The following NAV3 variants were observed in gnomAD, a reference collection of about 807,000 sequenced individuals.
The protein encoded by NAV3 is pore membrane and/or filament interacting like protein 1.
NAV3 carries 87 observed loss-of-function variants against 244.7 expected under a neutral mutation model. That is an observed-to-expected ratio of 0.36 (90% CI 0.30 to 0.42). The LOEUF is 0.42. Among genes scored for constraint, NAV3 ranks in the 20% least tolerant of loss-of-function variants. NAV3 has a pLI of 1.00. For missense variants in NAV3, 2,663 were observed against 2,893.3 expected (o/e 0.92, Z 1.83); for synonymous variants, 1,126 against 1,042.2 (o/e 1.08, Z -1.55).
At chr12:77,921,188 T>C (rs561750382) in intron 1 of NAV3, among the ~76,000 whole-genome samples, 1 of 152,068 alleles carries the variant, frequency 6.6e-6, no homozygotes, top group Admixed American at 6.6e-5. Context: ...TTGGTCATCA[T>C]AAATCTAGTG....
chr12:77,734,620 T>G (rs934576475), intron 2 of NAV3, among the ~76,000 whole-genome samples: 6 of 152,164 alleles, frequency 3.9e-5, no homozygotes, highest in African/African-American at 1.4e-4. Flanking sequence ...AAAATCTGCA[T>G]GCAATAAATT....
chr12:78,202,637 C>T (rs1161470403), intron 38 of NAV3, among the ~76,000 whole-genome samples: 2 of 151,950 alleles, frequency 1.3e-5, no homozygotes, highest in East Asian at 3.9e-4. Context: ...ATAAAAATGT[C>T]TCATTTCTTG....
chr12:78,155,518 T>G (rs1210216011), intron 22 of NAV3, among the ~76,000 whole-genome samples: 2 of 152,120 alleles, frequency 1.3e-5, no homozygotes, highest in African/African-American at 4.8e-5. Context: ...TTATTTATAT[T>G]CCTTTGGGTA....
At chr12:78,177,933 T>C (rs577306348) in intron 28 of NAV3, among the ~76,000 whole-genome samples, 1 of 151,796 alleles carries the variant, frequency 6.6e-6, no homozygotes, top group South Asian at 2.1e-4. Flanking sequence ...CCCCCCGTTA[T>C]CCACCAGGGG....
chr12:78,068,124 A>T (rs896534693), intron 12 of NAV3, among the ~76,000 whole-genome samples: 2 of 151,956 alleles, frequency 1.3e-5, no homozygotes, highest in Non-Finnish European at 2.9e-5. Context: ...AACATACCAT[A>T]TTACTTAAAT....
chr12:78,081,624 G>A (rs771823265), intron 12 of NAV3, among the ~76,000 whole-genome samples: 3 of 152,116 alleles, frequency 2.0e-5, no homozygotes, highest in Non-Finnish European at 2.9e-5. Flanking sequence ...CATGTAAATA[G>A]GCAGGGGCAA....
At chr12:78,022,586 C>T (rs1877342511) in intron 9 of NAV3, among the ~76,000 whole-genome samples, 1 of 151,920 alleles carries the variant, frequency 6.6e-6, no homozygotes, top group African/African-American at 2.4e-5. Context: ...GTCTGTTGTT[C>T]CAGGAAATCT....
rs532543314 is a variant in NAV3 at position 77,810,331 on chromosome 12, C to T, written c.73-129988C>T. Among the ~76,000 whole-genome samples, 124 of 152,188 alleles carry T rather than the reference C, an allele frequency of 8.1e-4. 1 individual carries two copies. Among genetic ancestry groups the T allele is most frequent in the African/African-American group, 2.7e-3 (111 of 41,518 alleles). ...GGACTACAGGCGCCCGCCACCACGC[C>T]GGGCTAATTTTTTGTATTTTTAGTA... On this transcript the variant is annotated intron_variant, in intron 2 of 8. Coordinates refer to the NAV3 transcript ENST00000550042.
intron 2 of NAV3, among the ~76,000 whole-genome samples, chr12:77,706,175 T>C (rs1234609530): frequency 2.0e-5 from 3 of 151,384 alleles, no homozygotes; most frequent in Non-Finnish European, 4.4e-5. Flanking sequence ...TTAATGAAAT[T>C]CAGGTATACT....
intron 2 of NAV3, among the ~76,000 whole-genome samples, chr12:77,756,478 A>G (rs963850987): frequency 1.3e-5 from 2 of 152,106 alleles, no homozygotes; most frequent in Non-Finnish European, 2.9e-5. Context: ...GGAAATGTCT[A>G]GATTATCTTG....
chr12:78,104,487 T>C (rs1954701648), intron 12 of NAV3, among the ~76,000 whole-genome samples: 1 of 152,212 alleles, frequency 6.6e-6, no homozygotes, highest in Non-Finnish European at 1.5e-5. Context: ...AGCCTGCCTC[T>C]AACTGTGAAT....
intron 2 of NAV3, among the ~76,000 whole-genome samples, chr12:77,685,066 C>T (rs1874654960): frequency 6.6e-6 from 1 of 152,094 alleles, no homozygotes; most frequent in Non-Finnish European, 1.5e-5. Context: ...TGTCAGATTG[C>T]TCCTCTAATT....
intron 1 of NAV3, among the ~76,000 whole-genome samples, chr12:77,853,203 G>T (rs1877820680): frequency 6.6e-6 from 1 of 152,118 alleles, no homozygotes; most frequent in Non-Finnish European, 1.5e-5. Context: ...TTTTGTTGTA[G>T]TTTTAAGCTT....
chr12:77,862,726 C>T (rs1325381321), intron 1 of NAV3, among the ~76,000 whole-genome samples: 1 of 151,778 alleles, frequency 6.6e-6, no homozygotes, highest in Non-Finnish European at 1.5e-5. Context: ...AGTATCATTT[C>T]ATCGGTGGTG....
chr12:78,147,528 C>T (rs530965760), intron 21 of NAV3, among the ~76,000 whole-genome samples: 9 of 150,980 alleles, frequency 6.0e-5, no homozygotes, highest in East Asian at 1.9e-4. Context: ...ATAAAATAGA[C>T]GCTGTATTTT....
intron 2 of NAV3, among the ~76,000 whole-genome samples, chr12:77,687,429 T>C (rs996376030): frequency 1.3e-5 from 2 of 152,100 alleles, no homozygotes; most frequent in African/African-American, 4.8e-5. Context: ...ATACACTTGA[T>C]TTTTCCTCCT....
In NAV3 at chr12:77,968,553, G is replaced by T. The variant is rs1892711479; in HGVS notation, c.522G>T (p.Gly174=). 2 of 1,613,872 alleles carry T rather than the reference G, an allele frequency of 1.2e-6. No homozygotes were observed. Among genetic ancestry groups the T allele is most frequent in the Non-Finnish European group, 1.7e-6 (2 of 1,179,886 alleles). ...ATGGAAACTTAAAAGCCATTCTAGGGCTGTTTTTCAGTTTATCTCGCTACA... is the reference window on the plus strand; with the variant it reads ...ATGGAAACTTAAAAGCCATTCTAGGTCTGTTTTTCAGTTTATCTCGCTACA... ...IRNGNLKAIL[G]LFFSLSRYKQ... is the part of the protein sequence containing the mutation. The change falls in exon 5 of 40, where the codon GGG becomes GGT. Residue 174 remains glycine (G), a synonymous_variant. Coordinates refer to ENST00000397909, the MANE Select transcript of NAV3 (RefSeq NM_001024383.2).
Position 77,665,875 on chromosome 12 carries a change from T to C in NAV3, c.72+93609T>C, listed in dbSNP as rs184638845. Among the ~76,000 whole-genome samples, 367 of 152,286 alleles carry C rather than the reference T, an allele frequency of 2.4e-3. 1 individual carries two copies. Among genetic ancestry groups the C allele is most frequent in the Admixed American group, 7.5e-3 (115 of 15,294 alleles). On this transcript the variant is annotated intron_variant, in intron 2 of 8. Transcript: ENST00000550042. ...TTTGCCTGGAATCACAAAAGAAATG[T>C]TATTTTGGTAATTTTTCAAATGAGG...
At chr12:77,664,081 G>A (rs1228289305) in intron 2 of NAV3, among the ~76,000 whole-genome samples, 3 of 152,166 alleles carry the variant, frequency 2.0e-5, no homozygotes, top group Non-Finnish European at 4.4e-5. Context: ...ACCATAACAC[G>A]ATGGTAAACA....
Sources: allele counts gnomAD v4.1 joint callset (sites outside exome capture counted in the v4.1 genomes callset), GRCh38; gene constraint gnomAD v4.1.1; transcripts MANE v1.5; gene names NCBI Gene and HGNC (gene_info 2026-07-23, HGNC 2026-07-21).